The following ASPG variants were observed in gnomAD, a reference collection of about 807,000 sequenced individuals.
ASPG encodes 60 kDa lysophospholipase.
Under a neutral mutation model 63.2 loss-of-function variants are expected in ASPG, and 53 were observed. That is an observed-to-expected ratio of 0.84 (90% CI 0.67 to 1.05). The LOEUF is 1.05. Among genes scored for constraint, ASPG ranks in the 50% least tolerant of loss-of-function variants. The pLI is 0.00. For synonymous variants in ASPG, 370 were observed against 355.0 expected (o/e 1.04, Z -0.48); for missense variants, 741 against 794.4 (o/e 0.93, Z 0.81).
chr14:104,100,094 C>T (rs909863316), intron 6 of ASPG, among the ~76,000 whole-genome samples: 13 of 152,194 alleles, frequency 8.5e-5, no homozygotes, highest in East Asian at 3.9e-4. Context: ...GCTCCCCACT[C>T]CCCCATTTTA....
chr14:104,095,147 C>G (rs2036539825), intron 3 of ASPG, among the ~76,000 whole-genome samples: 1 of 152,220 alleles, frequency 6.6e-6, no homozygotes, highest in African/African-American at 2.4e-5. Context: ...CTTGTGCCCA[C>G]CGTTGTGTTC....
chr14:104,098,796 A>C, intron 5 of ASPG, 57 bp from the exon 6 acceptor site: 1 of 1,586,364 alleles, frequency 6.3e-7, no homozygotes, highest in Non-Finnish European at 8.6e-7. Flanking sequence ...GCTGGAGGGC[A>C]GATGGGTCGG....
At chr14:104,104,870 G>A in intron 9 of ASPG, 135 bp downstream of exon 9, 1 of 745,740 alleles carries the variant, frequency 1.3e-6, no homozygotes, top group South Asian at 1.9e-5. Flanking sequence ...GAAGGGGAGG[G>A]ATGTGGCTCC....
intron 6 of ASPG, among the ~76,000 whole-genome samples, chr14:104,101,445 T>C (rs2036871070): frequency 6.6e-6 from 1 of 151,910 alleles, no homozygotes; most frequent in African/African-American, 2.4e-5. Flanking sequence ...TTGGTGCTCC[T>C]GTCCACAGTC....
chr14:104,097,163 C>T (rs917754382), intron 4 of ASPG, among the ~76,000 whole-genome samples: 4 of 152,148 alleles, frequency 2.6e-5, no homozygotes, highest in South Asian at 2.1e-4. Flanking sequence ...GTATGGGGAC[C>T]GGCTGGCCCC....
intron 12 of ASPG, chr14:104,108,452 G>T (rs1226571475): frequency 1.0e-6 from 1 of 985,302 alleles, no homozygotes; most frequent in African/African-American, 1.7e-5. Flanking sequence ...CCGCTGCCAG[G>T]CTCCCTGAGG....
At chr14:104,103,520 C>T in intron 6 of ASPG, 43 bp from the exon 7 acceptor site, 8 of 1,508,260 alleles carry the variant, frequency 5.3e-6, no homozygotes, top group South Asian at 1.2e-5. Context: ...TCTCGGCTGG[C>T]AGGAGGCCTG....
chr14:104,105,246 C>T (rs2037069840), intron 9 of ASPG, 82 bp from the exon 10 acceptor site: 2 of 1,604,006 alleles, frequency 1.2e-6, no homozygotes, highest in East Asian at 2.2e-5. Flanking sequence ...CTGACTGTGC[C>T]CGGGTAGCCC....
intron 6 of ASPG, among the ~76,000 whole-genome samples, chr14:104,101,814 G>A (rs934852401): frequency 7.9e-5 from 12 of 152,202 alleles, no homozygotes; most frequent in South Asian, 6.2e-4. Context: ...CTTTGAGGCC[G>A]CAGACTACAC....
chr14:104,087,121 C>T lies in ASPG; in HGVS notation c.82+1269C>T, dbSNP rs1028370643. ...CGGTGCAGACCCCTCTGGAGGCCCA[C>T]TCTGCGCCCAGCCCAGGAGACAAAG... On this transcript the variant is annotated intron_variant, in intron 1 of 15. Coordinates refer to ENST00000551177, the MANE Select transcript of ASPG (RefSeq NM_001080464.3). 3.9e-5 allele frequency among the ~76,000 whole-genome samples: 6 copies of T among 152,226 alleles called. 1 individual carries two copies. The highest frequency in any genetic ancestry group is 8.8e-5 in the Non-Finnish European group (6 of 68,042).
chr14:104,101,756 ACCTC>A (rs142044341), intron 6 of ASPG, among the ~76,000 whole-genome samples: 2,462 of 151,686 alleles, frequency 0.016, 57 homozygotes, highest in African/African-American at 0.056. Flanking sequence ...GGGAGAAGCC[ACCTC>A]CCTCCCAGAC....
intron 10 of ASPG, among the ~76,000 whole-genome samples, chr14:104,105,859 A>G (rs1353699122): frequency 6.6e-6 from 1 of 152,326 alleles, no homozygotes; most frequent in Non-Finnish European, 1.5e-5. Context: ...CGTCCCCTGC[A>G]CAACTGAGGT....
intron 3 of ASPG, among the ~76,000 whole-genome samples, chr14:104,095,308 G>T (rs2036546935): frequency 6.6e-6 from 1 of 152,182 alleles, no homozygotes; most frequent in Admixed American, 6.5e-5. Flanking sequence ...CAGCGTGGTG[G>T]GTGCACCCGA....
intron 6 of ASPG, 135 bp downstream of exon 6, chr14:104,099,114 T>TTA (rs1306346621): frequency 7.2e-7 from 1 of 1,396,200 alleles, no homozygotes; most frequent in Non-Finnish European, 9.6e-7. Context: ...CCTGGCTTGG[T>TTA]TCTGCCCTGG....
At chr14:104,096,114 C>T (rs1472066300) in intron 4 of ASPG, among the ~76,000 whole-genome samples, 1 of 152,196 alleles carries the variant, frequency 6.6e-6, no homozygotes, top group African/African-American at 2.4e-5. Context: ...TCCTGGGGGC[C>T]CTGGCACACG....
Position 104,091,553 on chromosome 14 carries a change from C to T in ASPG, c.83-1080C>T, listed in dbSNP as rs996139389. On this transcript the variant is annotated intron_variant, in intron 1 of 15. Coordinates refer to ENST00000551177, the MANE Select transcript of ASPG (RefSeq NM_001080464.3). The surrounding 1 kb of genome is among the most constrained non-coding windows in gnomAD (Gnocchi z 6.4). ...GGATCACGGGTGCCATAAACCTTCA[C>T]GGGGCCAAGGGCTGGTGTCCCGGGG... Among the ~76,000 whole-genome samples the T allele has an allele frequency of 2.0e-5, 3 of 152,116 alleles. No homozygotes were observed. The highest frequency in any genetic ancestry group is 4.4e-5 in the Non-Finnish European group (3 of 68,024).
chr14:104,093,490 G>A lies in ASPG; in HGVS notation c.192-1G>A, dbSNP rs2036444303. Reference sequence around the variant, plus strand: ...CGCCTCCTGCTGTTTCTGTCCCGCAGCCCGGCCAGCCGCAACCAGAGGATT... The same window carrying A: ...CGCCTCCTGCTGTTTCTGTCCCGCAACCCGGCCAGCCGCAACCAGAGGATT... On this transcript the variant is annotated splice_acceptor_variant, in intron 2 of 15. Transcript: ENST00000551177. LOFTEE classifies it high-confidence loss of function. 1 of 1,611,988 alleles carries A rather than the reference G, an allele frequency of 6.2e-7. No individual in the cohort carries two copies. The highest frequency in any genetic ancestry group is 8.5e-7 in the Non-Finnish European group (1 of 1,179,414).
rs894543768 is a variant in ASPG at position 104,091,660 on chromosome 14, G to A, written c.83-973G>A. On this transcript the variant is annotated intron_variant, in intron 1 of 15. Transcript: ENST00000551177. The surrounding 1 kb of genome is among the most constrained non-coding windows in gnomAD (Gnocchi z 6.4). ...GATGTCAGGGAGGGGTGCGGCTGGA[G>A]GGATATTAGAGGGGGCTGCTTTAAC... Among the ~76,000 whole-genome samples, 4 of 152,148 alleles carry A rather than the reference G, an allele frequency of 2.6e-5. No homozygotes were observed. Among genetic ancestry groups the A allele is most frequent in the Admixed American group, 1.3e-4 (2 of 15,270 alleles).
rs1340396670 is a variant in ASPG at position 104,089,623 on chromosome 14, G to A, written c.83-3010G>A. Reference sequence around the variant, plus strand: ...TGCTGGAGCCCCAGAGTTGGAAAGTGGTCCACTCGCAGGTTGGTAAGAAAA... The same window carrying A: ...TGCTGGAGCCCCAGAGTTGGAAAGTAGTCCACTCGCAGGTTGGTAAGAAAA... On this transcript the variant is annotated intron_variant, in intron 1 of 15. Transcript: ENST00000551177. Among the ~76,000 whole-genome samples, 5 of 152,244 alleles carry A rather than the reference G, an allele frequency of 3.3e-5. No individual in the cohort carries two copies. In the South Asian group the frequency reaches 1.0e-3, roughly 32 times the overall value.
Sources: gnomAD v4.1 joint callset for allele counts (sites outside exome capture counted in the v4.1 genomes callset) on GRCh38, gnomAD v4.1.1 for gene constraint, Gnocchi (gnomAD v3.1) non-coding constraint, MANE v1.5 for transcripts, NCBI Gene and HGNC (gene_info 2026-07-23, HGNC 2026-07-21) for gene names.